KCNIP4: variants seen among roughly 807,000 people sequenced by gnomAD.
KCNIP4 encodes potassium voltage-gated channel interacting protein 4.
A neutral mutation model predicts 34.0 loss-of-function variants in KCNIP4; 12 were observed. The ratio of observed to expected loss-of-function variants is 0.35; its 90% CI spans 0.23 to 0.57. The LOEUF is 0.57. Among genes scored for constraint, KCNIP4 ranks in the 20% least tolerant of loss-of-function variants. The probability of loss-of-function intolerance (pLI) is 0.83; values close to 1 mark genes in which losing one functional copy is unlikely to be tolerated. For missense variants in KCNIP4, 238 were observed against 311.7 expected, an observed-to-expected ratio of 0.76 and a Z score of 1.78; for synonymous variants, 124 against 102.2, an observed-to-expected ratio of 1.21 and a Z score of -1.29.
chr4:21,446,445 T>TA (rs1305936211), intron 1 of KCNIP4, among the ~76,000 whole-genome samples: 1 of 151,720 alleles, frequency 6.6e-6, no homozygotes, highest in Non-Finnish European at 1.5e-5. Context: ...TATGCAGCCA[T>TA]AAAAAAGGAA....
At chr4:21,789,319 T>C (rs1022265188) in intron 1 of KCNIP4, among the ~76,000 whole-genome samples, 4 of 152,142 alleles carry the variant, frequency 2.6e-5, no homozygotes, top group Admixed American at 2.6e-4. Flanking sequence ...GTAAGTAAAT[T>C]TCAGGTGCAG....
At chr4:21,716,221 T>C (rs1237374441) in intron 1 of KCNIP4, among the ~76,000 whole-genome samples, 4 of 152,004 alleles carry the variant, frequency 2.6e-5, no homozygotes, top group Non-Finnish European at 4.4e-5. Flanking sequence ...GGGGCCAACA[T>C]AATAGTCTTT....
chr4:20,782,555 C>T (rs940738696), intron 3 of KCNIP4, among the ~76,000 whole-genome samples: 6 of 152,170 alleles, frequency 3.9e-5, no homozygotes, highest in Non-Finnish European at 5.9e-5. Context: ...AGGGCTTGCA[C>T]CCTCTGAAGC....
intron 1 of KCNIP4, among the ~76,000 whole-genome samples, chr4:21,315,668 G>A (rs1337468347): frequency 1.3e-5 from 2 of 152,114 alleles, no homozygotes; most frequent in African/African-American, 4.8e-5. Flanking sequence ...TACAAGGTGG[G>A]TGTTATGGTT....
chr4:21,229,264 T>G (rs1468594844), intron 1 of KCNIP4, among the ~76,000 whole-genome samples: 1 of 152,200 alleles, frequency 6.6e-6, no homozygotes, highest in African/African-American at 2.4e-5. Context: ...GGAAATATTC[T>G]CTAGAGATCA....
At chr4:21,766,319 C>T (rs1050632190) in intron 1 of KCNIP4, among the ~76,000 whole-genome samples, 1 of 152,142 alleles carries the variant, frequency 6.6e-6, no homozygotes, top group Non-Finnish European at 1.5e-5. Context: ...GAGACAGTTT[C>T]CCTTACCCAC....
At chr4:20,953,059 G>A (rs1358796520) in intron 1 of KCNIP4, among the ~76,000 whole-genome samples, 1 of 152,196 alleles carries the variant, frequency 6.6e-6, no homozygotes, top group Non-Finnish European at 1.5e-5. Flanking sequence ...CCATCATTTT[G>A]AGAATTAAAG....
chr4:21,702,095 CA>C (rs1302205095), intron 1 of KCNIP4, among the ~76,000 whole-genome samples: 1 of 152,112 alleles, frequency 6.6e-6, no homozygotes, highest in African/African-American at 2.4e-5. Context: ...CAGGCTGCTA[CA>C]ACAAAATACC....
At position 21,379,357 on chromosome 4, in the gene KCNIP4, T is replaced by C. The variant is rs551976428; in HGVS notation, c.62-496648A>G. On this transcript the variant is annotated intron_variant, in intron 1 of 8. Transcript: ENST00000382152. ...TTGAACAGTCTTCTACCGTTCTGCATGCTTCCTCTTCAGAGACCTTAAATC... is the reference window on the plus strand; with the variant it reads ...TTGAACAGTCTTCTACCGTTCTGCACGCTTCCTCTTCAGAGACCTTAAATC... Among the ~76,000 whole-genome samples the C allele has an allele frequency of 1.5e-4, 23 of 152,306 alleles. No homozygotes were observed. In the South Asian group the frequency reaches 4.3e-3, roughly 29 times the overall value.
At chr4:21,083,011 G>C (rs767439292) in intron 1 of KCNIP4, among the ~76,000 whole-genome samples, 9 of 151,770 alleles carry the variant, frequency 5.9e-5, no homozygotes, top group Non-Finnish European at 1.0e-4. Context: ...TATTTCCAGA[G>C]TAATATAGTC....
intron 1 of KCNIP4, among the ~76,000 whole-genome samples, chr4:21,748,565 C>T (rs1481415645): frequency 6.6e-6 from 1 of 152,062 alleles, no homozygotes; most frequent in Admixed American, 6.6e-5. Context: ...ATTATAGGAG[C>T]TTTCTTGCCT....
chr4:21,128,387 G>A (rs1289367002), intron 1 of KCNIP4, among the ~76,000 whole-genome samples: 1 of 152,180 alleles, frequency 6.6e-6, no homozygotes, highest in African/African-American at 2.4e-5. Flanking sequence ...CATGACACAG[G>A]AATCATAAGT....
At chr4:21,068,535 A>G (rs968264535) in intron 1 of KCNIP4, among the ~76,000 whole-genome samples, 2 of 152,160 alleles carry the variant, frequency 1.3e-5, no homozygotes, top group African/African-American at 4.8e-5. Context: ...GATTAGGTCA[A>G]GCAGGCTCCA....
Position 21,404,107 on chromosome 4 carries a change from T to G in KCNIP4, c.62-521398A>C, listed in dbSNP as rs190876369. Among the ~76,000 whole-genome samples, 347 of 152,306 alleles carry G rather than the reference T, an allele frequency of 2.3e-3. 2 individuals are homozygous for G. The highest frequency in any genetic ancestry group is 8.1e-3 in the African/African-American group (335 of 41,578). ...GCACACTCCCACCTGTGGTTCTTGC[T>G]CTCACAGTTTCCTCTGCCTGGGGGG... On this transcript the variant is annotated intron_variant, in intron 1 of 8. Transcript: ENST00000382152.
At chr4:21,531,347 C>CCCTCCCT (rs1736664368) in intron 1 of KCNIP4, among the ~76,000 whole-genome samples, 1 of 16,356 alleles carries the variant, frequency 6.1e-5, no homozygotes, top group Non-Finnish European at 1.1e-4. Flanking sequence ...CTTCCCCTCC[C>CCCTCCCT]CCTCCCTCCC....
At chr4:21,449,203 G>C (rs1158072487) in intron 1 of KCNIP4, among the ~76,000 whole-genome samples, 2 of 151,992 alleles carry the variant, frequency 1.3e-5, no homozygotes, top group Non-Finnish European at 2.9e-5. Flanking sequence ...GAGCTTACTT[G>C]GTTGAATTTT....
At chr4:21,370,838 TATATATATATATACACAC>T (rs1223376578) in intron 1 of KCNIP4, among the ~76,000 whole-genome samples, 12 of 30,780 alleles carry the variant, frequency 3.9e-4, no homozygotes, top group Non-Finnish European at 5.6e-4. Flanking sequence ...TATATATATA[TATATATATATATACACAC>T]ACACACACAC....
chr4:20,937,975 T>C (rs1359211777), intron 1 of KCNIP4, among the ~76,000 whole-genome samples: 1 of 152,236 alleles, frequency 6.6e-6, no homozygotes, highest in African/African-American at 2.4e-5. Context: ...ACAATGACTT[T>C]AGAGATTCTA....
chr4:21,296,436 T>C (rs1184763041), intron 1 of KCNIP4, among the ~76,000 whole-genome samples: 2 of 151,568 alleles, frequency 1.3e-5, no homozygotes, highest in Non-Finnish European at 2.9e-5. Flanking sequence ...AAGATGATGG[T>C]TCTTAGCTAT....
Sources: allele counts gnomAD v4.1 joint callset (sites outside exome capture counted in the v4.1 genomes callset), GRCh38; gene constraint gnomAD v4.1.1; transcripts MANE v1.5; gene names NCBI Gene and HGNC (gene_info 2026-07-23, HGNC 2026-07-21).